Variants in SQSTM1 observed in about 807,000 individuals in gnomAD.
SQSTM1 encodes the protein sequestosome 1, also known as sequestosome-1.
SQSTM1 carries 36 observed loss-of-function variants against 45.1 expected under a neutral mutation model. The ratio of observed to expected loss-of-function variants is 0.80; its 90% CI spans 0.61 to 1.05. The LOEUF (loss-of-function observed/expected upper bound fraction) is 1.05, where lower values mean the gene tolerates loss of function less well. SQSTM1 is among the 50% of genes least tolerant of loss of function. The pLI is 0.00. For synonymous variants in SQSTM1, 290 were observed against 244.3 expected, an observed-to-expected ratio of 1.19 and a Z score of -1.74; for missense variants, 617 against 607.1, an observed-to-expected ratio of 1.02 and a Z score of -0.17.
intron 5 of SQSTM1, among the ~76,000 whole-genome samples, chr5:179,829,139 C>A (rs1758113744): frequency 6.6e-6 from 1 of 152,174 alleles, no homozygotes; most frequent in Non-Finnish European, 1.5e-5. Context: ...ATGTTTAATT[C>A]CAGGAGCACC....
rs1297175412 is a variant in SQSTM1 at position 179,831,232 on chromosome 5, G to C, written c.755-1800G>C. On this transcript the variant is annotated intron_variant, in intron 5 of 7. Coordinates refer to ENST00000389805, the MANE Select transcript of SQSTM1 (RefSeq NM_003900.5). Reference sequence around the variant, plus strand: ...CTCTGCCCAGAGAGCTGCCAGTCCTGGCTGGAACAGGAGGCTGCACAGCAA... The same window carrying C: ...CTCTGCCCAGAGAGCTGCCAGTCCTCGCTGGAACAGGAGGCTGCACAGCAA... 3.9e-5 allele frequency among the ~76,000 whole-genome samples: 6 copies of C among 152,320 alleles called. No homozygotes were observed. In the East Asian group the frequency reaches 9.6e-4, roughly 24 times the overall value.
rs143664576 is a variant in SQSTM1, at chr5:179,837,734, G to A, written c.*1141G>A. 6.9e-5 allele frequency: 112 copies of A among 1,614,230 alleles called. No homozygotes were observed. In the East Asian group the frequency reaches 1.9e-3, roughly 28 times the overall value. Reference sequence around the variant, plus strand: ...TTTTCTAGGTGGCAGGACAAATTGCGCCCATTTAGAGGATGTGGCTGTAAC... The same window carrying A: ...TTTTCTAGGTGGCAGGACAAATTGCACCCATTTAGAGGATGTGGCTGTAAC... On this transcript the variant is annotated 3_prime_UTR_variant, in exon 8 of 8. Transcript: ENST00000389805.
chr5:179,826,167 ATT>A (rs1157045878), intron 5 of SQSTM1, among the ~76,000 whole-genome samples: 1 of 139,666 alleles, frequency 7.2e-6, no homozygotes, highest in Non-Finnish European at 1.6e-5. Flanking sequence ...GCTCATTCCG[ATT>A]TTTTTTTTTT....
intron 5 of SQSTM1, among the ~76,000 whole-genome samples, chr5:179,829,973 G>A (rs1312877745): frequency 1.3e-5 from 2 of 152,156 alleles, no homozygotes; most frequent in African/African-American, 2.4e-5. Flanking sequence ...AGCCAGGCAT[G>A]GAGTTGTGTA....
At chr5:179,824,362 G>A (rs1412309329) in intron 4 of SQSTM1, 39 bp downstream of exon 4, 1 of 1,613,026 alleles carries the variant, frequency 6.2e-7, no homozygotes, top group Non-Finnish European at 8.5e-7. Context: ...ATTGGTGACA[G>A]TAGTCAGGCA....
At chr5:179,816,380 C>T (rs1400951494), upstream of SQSTM1, among the ~76,000 whole-genome samples, 1 of 151,860 alleles carries the variant, frequency 6.6e-6, no homozygotes, top group South Asian at 2.1e-4. Context: ...GAACTCCTGA[C>T]CTCGTGATCC....
At position 179,837,355 on chromosome 5, in the gene SQSTM1, C is replaced by T. The variant is rs746176027; in HGVS notation, c.*762C>T. On this transcript the variant is annotated 3_prime_UTR_variant, in exon 8 of 8. Transcript: ENST00000389805. ...CTTAGGGGAACCCTGTCCCTCCTAA[C>T]AAGTGTATCTCGATTAATAACCTGC... The T allele has an allele frequency of 1.6e-5, 26 of 1,582,864 alleles. No homozygotes were observed. The highest frequency in any genetic ancestry group is 2.2e-5 in the East Asian group (1 of 44,628).
In SQSTM1 at chr5:179,822,727, G is replaced by A. The variant is rs1030291799; in HGVS notation, c.206-231G>A. 1.9e-4 allele frequency: 109 copies of A among 588,208 alleles called. 1 individual carries two copies. Among genetic ancestry groups the A allele is most frequent in the East Asian group, 6.5e-4 (20 of 30,932 alleles). 36.4% of individuals were successfully genotyped at this position (588,208 alleles called of 1,614,324 possible). A position where few individuals can be genotyped will look rare whatever the true frequency, so the allele number is the denominator to read the frequency against. On this transcript the variant is annotated intron_variant, in intron 1 of 7. Coordinates refer to ENST00000389805, the MANE Select transcript of SQSTM1 (RefSeq NM_003900.5). ...TGCTGCCCCTGTGCACAGGCCCTCC[G>A]CCCCCTGCATGTGGCTGTGGTCCAG...
chr5:179,821,359 C>T (rs1757768716), intron 1 of SQSTM1, among the ~76,000 whole-genome samples: 1 of 152,170 alleles, frequency 6.6e-6, no homozygotes, highest in Non-Finnish European at 1.5e-5. Flanking sequence ...ACCCGCTGCT[C>T]AGCGTCGGCC....
intron 2 of SQSTM1, 137 bp from the exon 3 acceptor site, chr5:179,823,721 G>C: frequency 1.1e-6 from 1 of 939,472 alleles, no homozygotes; most frequent in Admixed American, 2.2e-5. Context: ...CCTCACCTAA[G>C]TGGCTGAATT....
At chr5:179,831,352 GA>G (rs1758206948) in intron 5 of SQSTM1, among the ~76,000 whole-genome samples, 1 of 152,190 alleles carries the variant, frequency 6.6e-6, no homozygotes, top group South Asian at 2.1e-4. Context: ...AGAACATAGG[GA>G]AAGTTAGCAA....
At chr5:179,836,101 TGGA>T in intron 7 of SQSTM1, 1 of 438,844 alleles carries the variant, frequency 2.3e-6, no homozygotes, top group Non-Finnish European at 4.2e-6. Flanking sequence ...ATCTCTTGCA[TGGA>T]GGAGTGTAAT....
At chr5:179,819,839 C>T (rs1287548046), upstream of SQSTM1, among the ~76,000 whole-genome samples, 1 of 152,224 alleles carries the variant, frequency 6.6e-6, no homozygotes, top group Non-Finnish European at 1.5e-5. Context: ...GCTGTGCGCA[C>T]ACCCACACAT....
chr5:179,806,600 C>A lies in SQSTM1; in HGVS notation c.-157+9C>A. 8.2e-7 allele frequency: 1 copy of A among 1,217,086 alleles called. No homozygotes were observed. Among genetic ancestry groups the A allele is most frequent in the South Asian group, 1.7e-5 (1 of 57,230 alleles). 75.4% of individuals were successfully genotyped at this position (1,217,086 alleles called of 1,614,324 possible). A position where few individuals can be genotyped will look rare whatever the true frequency, so the allele number is the denominator to read the frequency against. On this transcript the variant is annotated intron_variant, in intron 1 of 5. Transcript: ENST00000514093. This position sits in a 1 kb window ranked among gnomAD's most constrained non-coding sequence, Gnocchi z 4.6. The stretch of plus-strand genomic sequence containing the variant: ...GAGCCTCATCTCCTCGGGTGCGCGG[C>A]GGGCGCCCGCGGGGCCGAGGCTGCA...
chr5:179,825,906 G>A (rs1024678593), intron 5 of SQSTM1, among the ~76,000 whole-genome samples: 5 of 152,212 alleles, frequency 3.3e-5, no homozygotes, highest in African/African-American at 1.2e-4. Flanking sequence ...GCGGCAGTGA[G>A]AATCAGTGAA....
At chr5:179,821,185 C>T (rs902223297) in intron 1 of SQSTM1, 44 bp downstream of exon 1, 6 of 1,317,460 alleles carry the variant, frequency 4.6e-6, no homozygotes, top group Middle Eastern at 5.6e-4. Flanking sequence ...GCAGGCCGGA[C>T]ACGGCCTCCT....
intron 1 of SQSTM1, among the ~76,000 whole-genome samples, chr5:179,809,232 C>T (rs185215109): frequency 0.026 from 3,659 of 143,132 alleles, 88 homozygotes; most frequent in African/African-American, 0.053. Flanking sequence ...CATCTCGGCT[C>T]ACTGCAACCT....
chr5:179,837,838 G>T lies in SQSTM1; in HGVS notation c.*1245G>T. On this transcript the variant is annotated 3_prime_UTR_variant, in exon 8 of 8. Coordinates refer to ENST00000389805, the MANE Select transcript of SQSTM1 (RefSeq NM_003900.5). ...TGCAGTCTGCAGAGTTCTCCTGGAG[G>T]CAGGGGCTGCTGCCTTGTTTCACCT... 1 of 1,612,006 alleles carries T rather than the reference G, an allele frequency of 6.2e-7. No homozygotes were observed. The highest frequency in any genetic ancestry group is 8.5e-7 in the Non-Finnish European group (1 of 1,179,994).
chr5:179,829,759 A>C (rs1335046585), intron 5 of SQSTM1, among the ~76,000 whole-genome samples: 1 of 152,208 alleles, frequency 6.6e-6, no homozygotes, highest in African/African-American at 2.4e-5. Flanking sequence ...GAATTCCAGA[A>C]AGAATAGAAA....
Sources: allele counts gnomAD v4.1 joint callset (sites outside exome capture counted in the v4.1 genomes callset), GRCh38; gene constraint gnomAD v4.1.1; non-coding constraint Gnocchi (gnomAD v3.1); transcripts MANE v1.5; gene names NCBI Gene and HGNC (gene_info 2026-07-23, HGNC 2026-07-21).